The following USP6 variants were observed in gnomAD, a reference collection of about 807,000 sequenced individuals.
USP6 encodes the protein ubiquitin carboxyl-terminal hydrolase 6.
A neutral mutation model predicts 175.7 loss-of-function variants in USP6; 128 were observed. The observed-to-expected ratio is 0.73, with a 90% CI of 0.63 to 0.84. USP6 has a LOEUF of 0.84. Ranked by LOEUF, USP6 falls within the 40% of genes least tolerant of loss-of-function variation. The pLI is 0.00. For synonymous variants in USP6, 562 were observed against 630.6 expected (o/e 0.89, Z 1.63); for missense variants, 1,498 against 1,760.3 (o/e 0.85, Z 2.67).
At chr17:5,151,079 A>G (rs1170011272) in intron 30 of USP6, among the ~76,000 whole-genome samples, 1 of 152,140 alleles carries the variant, frequency 6.6e-6, no homozygotes, top group Non-Finnish European at 1.5e-5. Flanking sequence ...ACTTAATTAT[A>G]TCTACAAACA....
At chr17:5,128,251 G>C (rs567055228) in intron 7 of USP6, 1 of 152,280 alleles carries the variant, frequency 6.6e-6, no homozygotes, top group Admixed American at 6.5e-5. Context: ...TAGAAAAGTG[G>C]GCCCCTACTG....
At chr17:5,156,888 C>T (rs995903821) in intron 31 of USP6, among the ~76,000 whole-genome samples, 1 of 151,724 alleles carries the variant, frequency 6.6e-6, no homozygotes, top group Non-Finnish European at 1.5e-5. Flanking sequence ...CGCAACCACA[C>T]CCAGCTAATT....
At chr17:5,134,775 A>G (rs112799565) in intron 15 of USP6, 2,764 of 227,934 alleles carry the variant, frequency 0.012, 88 homozygotes, top group African/African-American at 0.06. Flanking sequence ...TTCCTAGGCC[A>G]TTCTGGAAAA....
chr17:5,120,343 TG>T (rs1168323181), intron 2 of USP6, among the ~76,000 whole-genome samples: 4 of 151,782 alleles, frequency 2.6e-5, no homozygotes, highest in Non-Finnish European at 5.9e-5. Flanking sequence ...TCCACTGTGC[TG>T]GGGGGTTGTT....
intron 7 of USP6, among the ~76,000 whole-genome samples, chr17:5,128,071 C>T (rs764211278): frequency 3.9e-5 from 6 of 152,154 alleles, no homozygotes; most frequent in South Asian, 2.1e-4. Flanking sequence ...GGCATCTGGA[C>T]GCCCTGTCTC....
chr17:5,165,278 A>C (rs2074075331), intron 33 of USP6, among the ~76,000 whole-genome samples: 2 of 152,200 alleles, frequency 1.3e-5, no homozygotes, highest in African/African-American at 4.8e-5. Context: ...CCACATGAAT[A>C]TTATACCTAG....
intron 2 of USP6, among the ~76,000 whole-genome samples, chr17:5,119,398 T>C (rs148016129): frequency 4.3e-4 from 65 of 152,382 alleles, no homozygotes; most frequent in Admixed American, 7.8e-4. Flanking sequence ...TTTTATTTCA[T>C]GAATTACCTG....
Position 5,135,849 on chromosome 17 carries a change from G to C in USP6, c.585G>C (p.Leu195Phe). 1.9e-6 allele frequency: 3 copies of C among 1,599,298 alleles called. No individual in the cohort carries two copies. The highest frequency in any genetic ancestry group is 2.5e-6 in the Non-Finnish European group (3 of 1,179,794). ...YCRDLSHITA[L>F]FLLYLPEEDA... ...GGGACCTGAGCCACATCACCGCCTT[G>C]TTCCTCCTTTATCTGCCTGAGGAGG... Residue 195 changes from leucine to phenylalanine, a missense_variant, in exon 17 of 38, where the codon TTG becomes TTC. This residue lies in a region of USP6 where 281 missense variants were observed against 259.6 expected (regional missense o/e 1.08). Transcript: ENST00000574788.
intron 23 of USP6, 53 bp downstream of exon 23, chr17:5,141,552 C>A: frequency 6.9e-7 from 1 of 1,446,740 alleles, no homozygotes; most frequent in South Asian, 1.4e-5. Flanking sequence ...TATTTTTTTT[C>A]TTCTTTCAAC....
At chr17:5,133,738 G>A in intron 14 of USP6, 149 bp from the exon 15 acceptor site, 1 of 1,125,702 alleles carries the variant, frequency 8.9e-7, no homozygotes, top group Non-Finnish European at 1.3e-6. Flanking sequence ...CCTGGCCTCA[G>A]TAGCAAGCCA....
Position 5,124,590 on chromosome 17 carries a change from C to T in USP6, c.-1274C>T, listed in dbSNP as rs748893195. ...GAGTCACAGGGAGAAGACGTCCACC[C>T]ACACATCAGGAGACAGGCCTGGAAC... On this transcript the variant is annotated 5_prime_UTR_variant, in exon 5 of 38. Coordinates refer to ENST00000574788, the MANE Select transcript of USP6 (RefSeq NM_001304284.2). 6.6e-6 allele frequency: 1 copy of T among 152,334 alleles called. No homozygotes were observed. The highest frequency in any genetic ancestry group is 1.5e-5 in the Non-Finnish European group (1 of 68,112). The allele number at this position is 152,334 out of a possible 1,614,324, so 9.4% of individuals were successfully genotyped here. A position where few individuals can be genotyped will look rare whatever the true frequency, so the allele number is the denominator to read the frequency against.
In USP6 at chr17:5,173,055, A is replaced by G; in HGVS notation, c.*77A>G. 6.5e-7 allele frequency: 1 copy of G among 1,532,076 alleles called. No individual in the cohort carries two copies. The highest frequency in any genetic ancestry group is 8.9e-7 in the Non-Finnish European group (1 of 1,127,428). 94.9% of individuals were successfully genotyped at this position (1,532,076 alleles called of 1,614,324 possible). On this transcript the variant is annotated 3_prime_UTR_variant, in exon 38 of 38. Transcript: ENST00000574788. ...GTAGCTGATACTTGGCAAAAGTGTCACTGAAAGACAAGCTAAATGTAGTTA... is the reference window on the plus strand; with the variant it reads ...GTAGCTGATACTTGGCAAAAGTGTCGCTGAAAGACAAGCTAAATGTAGTTA...
At position 5,173,237 on chromosome 17, in the gene USP6, G is replaced by C. The variant is rs2074264206; in HGVS notation, c.*259G>C. On this transcript the variant is annotated 3_prime_UTR_variant, in exon 38 of 38. Coordinates refer to ENST00000574788, the MANE Select transcript of USP6 (RefSeq NM_001304284.2). Reference sequence around the variant, plus strand: ...AAAAGGTGTGGCACCAGCCACCTGGGACCAAATAAGAATTGAATTGTGCTT... The same window carrying C: ...AAAAGGTGTGGCACCAGCCACCTGGCACCAAATAAGAATTGAATTGTGCTT... 1.2e-5 allele frequency: 5 copies of C among 432,098 alleles called. No individual in the cohort carries two copies. The South Asian group carries it at 1.7e-4, about 15-fold the overall frequency. The allele number at this position is 432,098 out of a possible 1,614,324, so 26.8% of individuals were successfully genotyped here. A position where few individuals can be genotyped will look rare whatever the true frequency, so the allele number is the denominator to read the frequency against.
At chr17:5,127,972 A>T (rs2072944196) in intron 7 of USP6, among the ~76,000 whole-genome samples, 1 of 152,168 alleles carries the variant, frequency 6.6e-6, no homozygotes, top group South Asian at 2.1e-4. Flanking sequence ...GAGCTCCCAG[A>T]TACGAGGGCC....
chr17:5,170,268 A>G (rs1248811676), intron 35 of USP6, among the ~76,000 whole-genome samples: 1 of 152,200 alleles, frequency 6.6e-6, no homozygotes, highest in Non-Finnish European at 1.5e-5. Flanking sequence ...TTACATTTTC[A>G]GGACATTGTT....
In USP6 at chr17:5,135,841, A is replaced by C; in HGVS notation, c.577A>C (p.Thr193Pro). The change falls in exon 17 of 38, where the codon ACC (threonine) becomes CCC (proline). Residue 193 changes from threonine (T) to proline (P), a missense_variant. By Grantham distance (38) the Thr-to-Pro change is conservative. This residue lies in a region of USP6 where 281 missense variants were observed against 259.6 expected (regional missense o/e 1.08). Coordinates refer to ENST00000574788, the MANE Select transcript of USP6 (RefSeq NM_001304284.2). Reference sequence around the variant, plus strand: ...CTACTGCAGGGACCTGAGCCACATCACCGCCTTGTTCCTCCTTTATCTGCC... The same window carrying C: ...CTACTGCAGGGACCTGAGCCACATCCCCGCCTTGTTCCTCCTTTATCTGCC... The part of the protein sequence containing the change: ...VGYCRDLSHI[T>P]ALFLLYLPEE... 2.5e-6 allele frequency: 4 copies of C among 1,598,880 alleles called. No individual in the cohort carries two copies. Among genetic ancestry groups the C allele is most frequent in the Non-Finnish European group, 3.4e-6 (4 of 1,179,756 alleles).
In USP6 at chr17:5,132,039, C is replaced by T. The variant is rs572753741; in HGVS notation, c.156-357C>T. Among the ~76,000 whole-genome samples, 8 of 152,232 alleles carry T rather than the reference C, an allele frequency of 5.3e-5. No individual in the cohort carries two copies. The highest frequency in any genetic ancestry group is 4.1e-4 in the South Asian group (2 of 4,832). On this transcript the variant is annotated intron_variant, in intron 11 of 37. Transcript: ENST00000574788. The surrounding 1 kb of genome is among the most constrained non-coding windows in gnomAD (Gnocchi z 4.7). ...TCCCTGAGGGACTCCTGTCAGGGCC[C>T]GGTCGCCCATGCTGGGTGGCCCCCA...
intron 15 of USP6, 81 bp from the exon 16 acceptor site, chr17:5,135,153 G>C: frequency 1.3e-6 from 2 of 1,484,788 alleles, no homozygotes; most frequent in Non-Finnish European, 1.9e-6. Context: ...CCTGAAATGG[G>C]ATTTGTTAGG....
At chr17:5,123,607 G>A (rs2072781941) in intron 4 of USP6, among the ~76,000 whole-genome samples, 1 of 152,142 alleles carries the variant, frequency 6.6e-6, no homozygotes, top group Non-Finnish European at 1.5e-5. Context: ...CCCCGTGTGC[G>A]CACTCCCTGG....
Sources: gnomAD v4.1 joint callset for allele counts (sites outside exome capture counted in the v4.1 genomes callset) on GRCh38, gnomAD v4.1.1 for gene constraint, gnomAD v4.1.1 regional missense constraint, Gnocchi (gnomAD v3.1) non-coding constraint, MANE v1.5 for transcripts, NCBI Gene and HGNC (gene_info 2026-07-23, HGNC 2026-07-21) for gene names.